The following LAMA5 variants were observed in gnomAD, a reference collection of about 807,000 sequenced individuals.
LAMA5 encodes the protein laminin subunit alpha 5.
LAMA5 carries 260 observed loss-of-function variants against 433.4 expected under a neutral mutation model. That is an observed-to-expected ratio of 0.60 (90% confidence interval 0.54 to 0.66). The LOEUF (loss-of-function observed/expected upper bound fraction) is 0.66. LAMA5 is among the 30% of genes least tolerant of loss of function. The pLI, the probability that LAMA5 is intolerant of heterozygous loss-of-function variation, is 0.00. For synonymous variants in LAMA5, 2,620 were observed against 2,226.6 expected (o/e 1.18, Z -4.97); for missense variants, 5,378 against 5,258.5 (o/e 1.02, Z -0.70).
chr20:62,319,773 G>T lies in LAMA5; in HGVS notation c.6782C>A (p.Ala2261Glu). Residue 2261 changes from alanine to glutamate, a missense_variant, in exon 51 of 80, where the codon GCG becomes GAG. Physicochemically the swap from Ala to Glu is moderately radical, Grantham distance 107. Transcript: ENST00000252999. ...CTCGGTGCCGGCCAGCAATTGGCTC[G>T]CCTGGTCTCGGGTCCCCACGGCCTG... ...GGQAVGTRDQASQLLAGTEAT... is the reference protein window; with the variant it reads ...GGQAVGTRDQESQLLAGTEAT... 1.9e-6 allele frequency: 3 copies of T among 1,547,438 alleles called. No individual in the cohort carries two copies. The highest frequency in any genetic ancestry group is 1.2e-5 in the South Asian group (1 of 84,078).
In LAMA5 at chr20:62,320,771, G is replaced by A; in HGVS notation, c.6616C>T (p.His2206Tyr). 6.2e-7 allele frequency: 1 copy of A among 1,612,690 alleles called. No homozygotes were observed. Among genetic ancestry groups the A allele is most frequent in the Non-Finnish European group, 8.5e-7 (1 of 1,179,912 alleles). The change falls in exon 49 of 80, where the codon CAC becomes TAC. Residue 2206 changes from histidine to tyrosine, a missense_variant. By Grantham distance (83) the His-to-Tyr change is moderately conservative. Transcript: ENST00000252999. Reference protein sequence around the residue: ...NASSMAWARLHRLNASIADLQ... With the variant: ...NASSMAWARLYRLNASIADLQ... ...TCAGCGATGGAGGCGTTCAGCCTGT[G>A]CAGACGGGCCCAGGCCATGGAGCTG...
chr20:62,324,040 G>A lies in LAMA5; in HGVS notation c.5768+40C>T. On this transcript the variant is annotated intron_variant, in intron 43 of 79. Coordinates refer to ENST00000252999, the MANE Select transcript of LAMA5 (RefSeq NM_005560.6). This position sits in a 1 kb window ranked among gnomAD's most constrained non-coding sequence, Gnocchi z 4.4. ...CCCCGCTGCTGGGTGAAGGGAGCCT[G>A]GCACCATCAGGGCCTCGTCCCGGGA... is the stretch of plus-strand genomic sequence containing the variant. The A allele has an allele frequency of 6.8e-7, 1 of 1,478,850 alleles. No individual in the cohort carries two copies. Among genetic ancestry groups the A allele is most frequent in the Non-Finnish European group, 9.0e-7 (1 of 1,116,562 alleles). 91.6% of individuals were successfully genotyped at this position (1,478,850 alleles called of 1,614,324 possible).
At position 62,324,080 on chromosome 20, in the gene LAMA5, T is replaced by C. The variant is rs1194020741; in HGVS notation, c.5768A>G (p.Asn1923Ser). 6.7e-7 allele frequency: 1 copy of C among 1,503,646 alleles called. No individual in the cohort carries two copies. The highest frequency in any genetic ancestry group is 8.9e-7 in the Non-Finnish European group (1 of 1,128,542). The allele number at this position is 1,503,646 out of a possible 1,614,324, so 93.1% of individuals were successfully genotyped here. ...CPCPLSVPSN[N>S]FAEGCVLRGG... Reference sequence around the variant, plus strand: ...TCGTCCCGGGAGGAGGCTGGCTTACTTGTTGGAAGGCACTGAGAGGGGGCA... The same window carrying C: ...TCGTCCCGGGAGGAGGCTGGCTTACCTGTTGGAAGGCACTGAGAGGGGGCA... The change falls in exon 43 of 80, where the codon AAC becomes AGC. Residue 1923 changes from asparagine to serine, a missense_variant and splice_region_variant. By Grantham distance (46) the Asn-to-Ser change is conservative (BLOSUM62 1). Coordinates refer to ENST00000252999, the MANE Select transcript of LAMA5 (RefSeq NM_005560.6). This position sits in a 1 kb window ranked among gnomAD's most constrained non-coding sequence, Gnocchi z 4.4.
In LAMA5 at chr20:62,324,978, T is replaced by C. The variant is rs2146143114; in HGVS notation, c.5529+338A>G. ...GGACAGACACACAGTGGGCGAGGGA[T>C]GGGCAGAATGACAGGCAGACGCCAG... On this transcript the variant is annotated intron_variant, in intron 41 of 79. Transcript: ENST00000252999. The surrounding 1 kb of genome is among the most constrained non-coding windows in gnomAD (Gnocchi z 4.4). 2.6e-6 allele frequency: 1 copy of C among 390,024 alleles called. No homozygotes were observed. The highest frequency in any genetic ancestry group is 3.4e-5 in the South Asian group (1 of 29,030). 24.2% of individuals were successfully genotyped at this position (390,024 alleles called of 1,614,324 possible). A position where few individuals can be genotyped will look rare whatever the true frequency, so the allele number is the denominator to read the frequency against.
rs1381944511 is a variant in LAMA5 at position 62,322,768 on chromosome 20, G to C, written c.6065-10C>G. ...GGGGTACAGTCGCACCCTGCAGAAG[G>C]GGTCCGTGACTGCAGCCCTGGGCCC... On this transcript the variant is annotated splice_polypyrimidine_tract_variant and intron_variant, in intron 45 of 79. Coordinates refer to ENST00000252999, the MANE Select transcript of LAMA5 (RefSeq NM_005560.6). 1 of 1,466,600 alleles carries C rather than the reference G, an allele frequency of 6.8e-7. No homozygotes were observed. Among genetic ancestry groups the C allele is most frequent in the African/African-American group, 1.4e-5 (1 of 70,382 alleles). The allele number at this position is 1,466,600 out of a possible 1,614,324, so 90.8% of individuals were successfully genotyped here. A position where few individuals can be genotyped will look rare whatever the true frequency, so the allele number is the denominator to read the frequency against.
chr20:62,319,080 C>T (rs1987372048), intron 51 of LAMA5, 67 bp from the exon 52 acceptor site: 2 of 1,422,042 alleles, frequency 1.4e-6, no homozygotes. Flanking sequence ...TGCTGGCTTC[C>T]AAGCCCAAGA....
chr20:62,318,331 A>AGGGGAGGACGGG (rs1319817629), intron 53 of LAMA5, 123 bp downstream of exon 53: 47 of 248,140 alleles, frequency 1.9e-4, no homozygotes, highest in Middle Eastern at 1.0e-3. Context: ...GGGGAGGACG[A>AGGGGAGGACGGG]GGGAGGGGAG....
In LAMA5 at chr20:62,324,083, T is replaced by G; in HGVS notation, c.5765A>C (p.Asn1922Thr). The change falls in exon 43 of 80, where the codon AAC (asparagine) becomes ACC (threonine). Residue 1922 changes from asparagine (N) to threonine (T), a missense_variant. By Grantham distance (65) the Asn-to-Thr change is moderately conservative (BLOSUM62 0). Coordinates refer to ENST00000252999, the MANE Select transcript of LAMA5 (RefSeq NM_005560.6). This position sits in a 1 kb window ranked among gnomAD's most constrained non-coding sequence, Gnocchi z 4.4. ...SCPCPLSVPS[N>T]NFAEGCVLRG... is the part of the protein sequence containing the mutation. ...TCCCGGGAGGAGGCTGGCTTACTTG[T>G]TGGAAGGCACTGAGAGGGGGCAGGG... The G allele has an allele frequency of 6.6e-7, 1 of 1,506,586 alleles. No individual in the cohort carries two copies. The allele number at this position is 1,506,586 out of a possible 1,614,324, so 93.3% of individuals were successfully genotyped here.
At chr20:62,330,214 C>A (rs8184070) in intron 31 of LAMA5, among the ~76,000 whole-genome samples, 1 of 152,392 alleles carries the variant, frequency 6.6e-6, no homozygotes, top group Non-Finnish European at 1.5e-5. Flanking sequence ...GTGCTGCCAG[C>A]GGCATCCTGG....
rs184560928 is a variant in LAMA5 at position 62,349,534 on chromosome 20, A to G, written c.956+2170T>C. ...CACGAATCCTACAGTCAGCTCAACT[A>G]TCATTCAAGAGGGAGGACAAAACAG... On this transcript the variant is annotated intron_variant, in intron 6 of 79. Coordinates refer to ENST00000252999, the MANE Select transcript of LAMA5 (RefSeq NM_005560.6). Among the ~76,000 whole-genome samples the G allele has an allele frequency of 5.8e-3, 867 of 149,500 alleles. 8 individuals carry two copies. Among genetic ancestry groups the G allele is most frequent in the African/African-American group, 0.021 (834 of 40,418 alleles).
Position 62,330,758 on chromosome 20 carries a change from C to A in LAMA5, c.3837G>T (p.Leu1279=). 1 of 1,561,818 alleles carries A rather than the reference C, an allele frequency of 6.4e-7. No homozygotes were observed. ...TAVDPDAEPT[L]LREPQATVVF... is the part of the protein sequence containing the mutation. Reference sequence around the variant, plus strand: ...TGGCCCTCACCTGGGGCTCACGCAGCAGGGTGGGCTCTGCATCAGGGTCCA... The same window carrying A: ...TGGCCCTCACCTGGGGCTCACGCAGAAGGGTGGGCTCTGCATCAGGGTCCA... Residue 1279 remains leucine, a synonymous_variant, in exon 30 of 80, where the codon CTG becomes CTT. Coordinates refer to ENST00000252999, the MANE Select transcript of LAMA5 (RefSeq NM_005560.6).
chr20:62,356,927 C>T (rs998639328), intron 2 of LAMA5, among the ~76,000 whole-genome samples: 1 of 152,210 alleles, frequency 6.6e-6, no homozygotes, highest in African/African-American at 2.4e-5. Flanking sequence ...CACTCACTGG[C>T]GCTCCGAAGG....
chr20:62,322,728 G>C lies in LAMA5; in HGVS notation c.6095C>G (p.Ala2032Gly). The C allele has an allele frequency of 6.5e-7, 1 of 1,530,142 alleles. No individual in the cohort carries two copies. The highest frequency in any genetic ancestry group is 8.8e-7 in the Non-Finnish European group (1 of 1,140,116). The allele number at this position is 1,530,142 out of a possible 1,614,324, so 94.8% of individuals were successfully genotyped here. A position where few individuals can be genotyped will look rare whatever the true frequency, so the allele number is the denominator to read the frequency against. Residue 2032 changes from alanine (A) to glycine (G), a missense_variant, in exon 46 of 80, where the codon GCC (alanine) becomes GGC (glycine). Ala to Gly is a moderately conservative substitution (Grantham distance 60). Coordinates refer to ENST00000252999, the MANE Select transcript of LAMA5 (RefSeq NM_005560.6). ...RCDCTPCGTE[A>G]CDPHSGHCLC... ...GCAGTGCCCGCTGTGGGGGTCGCAG[G>C]CCTCTGTCCCACATGGGGTACAGTC...
rs908695851 is a variant in LAMA5, at chr20:62,359,947, C to T, written c.450+2453G>A. Among the ~76,000 whole-genome samples the T allele has an allele frequency of 5.9e-5, 9 of 151,638 alleles. No homozygotes were observed. Among genetic ancestry groups the T allele is most frequent in the African/African-American group, 1.2e-4 (5 of 41,276 alleles). On this transcript the variant is annotated intron_variant, in intron 2 of 79. Transcript: ENST00000252999. The surrounding 1 kb of genome is among the most constrained non-coding windows in gnomAD (Gnocchi z 4.3). The stretch of plus-strand genomic sequence containing the variant: ...GCCCAGTGCCAGCCGCCCCCACCCC[C>T]GTCCCAGGGCATCCGCTCCAGATCC...
chr20:62,318,677 C>T, intron 52 of LAMA5, 27 bp from the exon 53 acceptor site: 3 of 1,604,636 alleles, frequency 1.9e-6, no homozygotes, highest in Non-Finnish European at 2.6e-6. Flanking sequence ...TGAGGGTGGT[C>T]ACTCTGGAAG....
chr20:62,342,658 G>A (rs910942466), intron 11 of LAMA5, among the ~76,000 whole-genome samples: 2 of 151,800 alleles, frequency 1.3e-5, no homozygotes, highest in African/African-American at 2.4e-5. Flanking sequence ...CAGTCTGGGC[G>A]ACAGAGCGAG....
intron 6 of LAMA5, among the ~76,000 whole-genome samples, chr20:62,349,462 G>A (rs1025167001): frequency 1.3e-5 from 2 of 151,262 alleles, no homozygotes; most frequent in Non-Finnish European, 2.9e-5. Flanking sequence ...GAGGTGAAGA[G>A]ACAGTCAAAT....
chr20:62,334,356 G>C lies in LAMA5; in HGVS notation c.2583-14C>G. On this transcript the variant is annotated splice_polypyrimidine_tract_variant and intron_variant, in intron 21 of 79. Transcript: ENST00000252999. ...TCCCTCGCAGGCCTGGCCACAGCAG[G>C]GGCTGGTCAGGTGCAGCTTGGCCAT... 1 of 1,583,092 alleles carries C rather than the reference G, an allele frequency of 6.3e-7. No individual in the cohort carries two copies. The highest frequency in any genetic ancestry group is 1.3e-5 in the African/African-American group (1 of 74,394).
In LAMA5 at chr20:62,346,175, C is replaced by T. The variant is rs750485972; in HGVS notation, c.1323G>A (p.Glu441=). 9 of 1,612,830 alleles carry T rather than the reference C, an allele frequency of 5.6e-6. No homozygotes were observed. Among genetic ancestry groups the T allele is most frequent in the Non-Finnish European group, 7.6e-6 (9 of 1,179,898 alleles). The change falls in exon 10 of 80, where the codon GAG becomes GAA. Residue 441 remains glutamate (E), a synonymous_variant. Coordinates refer to ENST00000252999, the MANE Select transcript of LAMA5 (RefSeq NM_005560.6). The part of the protein sequence containing the change: ...CESDFTDGTC[E]DLTGRCYCRP... The stretch of plus-strand genomic sequence containing the variant: ...GGCAGTAGCATCGACCCGTCAGGTC[C>T]TCGCAGGTGCCATCCGTGAAGTCGG...
Sources: allele counts gnomAD v4.1 joint callset (sites outside exome capture counted in the v4.1 genomes callset), GRCh38; gene constraint gnomAD v4.1.1; non-coding constraint Gnocchi (gnomAD v3.1); transcripts MANE v1.5; gene names NCBI Gene and HGNC (gene_info 2026-07-23, HGNC 2026-07-21).